The following ST6GALNAC3 variants were observed in gnomAD, a reference collection of about 807,000 sequenced individuals.
ST6GALNAC3 encodes the protein alpha-N-acetylgalactosaminide alpha-2,6-sialyltransferase 3.
Under a neutral mutation model 32.7 loss-of-function variants are expected in ST6GALNAC3, and 25 were observed. The observed-to-expected ratio is 0.76, with a 90% CI of 0.56 to 1.07. The LOEUF is 1.07. ST6GALNAC3 is among the 50% of genes least tolerant of loss of function. The pLI, the probability that ST6GALNAC3 is intolerant of heterozygous loss-of-function variation, is 0.00. For missense variants in ST6GALNAC3, 355 were observed against 382.4 expected, an observed-to-expected ratio of 0.93 and a Z score of 0.60; for synonymous variants, 129 against 133.1, an observed-to-expected ratio of 0.97 and a Z score of 0.21.
At chr1:76,289,519 G>T (rs1659958280) in intron 1 of ST6GALNAC3, among the ~76,000 whole-genome samples, 1 of 152,198 alleles carries the variant, frequency 6.6e-6, no homozygotes, top group African/African-American at 2.4e-5. Flanking sequence ...CCTCAAGGGG[G>T]CAAAAAGTTT....
At chr1:76,280,429 G>A (rs1449845088) in intron 1 of ST6GALNAC3, among the ~76,000 whole-genome samples, 1 of 152,076 alleles carries the variant, frequency 6.6e-6, no homozygotes, top group African/African-American at 2.4e-5. Flanking sequence ...TTCTTGCATA[G>A]TACTTTCAGC....
At chr1:76,426,754 C>T (rs1185193662) in intron 3 of ST6GALNAC3, among the ~76,000 whole-genome samples, 1 of 151,860 alleles carries the variant, frequency 6.6e-6, no homozygotes, top group African/African-American at 2.4e-5. Flanking sequence ...TTTACCTAAA[C>T]CAGCATCACC....
At chr1:76,576,152 C>A (rs1646803314) in intron 3 of ST6GALNAC3, among the ~76,000 whole-genome samples, 1 of 152,010 alleles carries the variant, frequency 6.6e-6, no homozygotes, top group Admixed American at 6.6e-5. Flanking sequence ...GAAAATTTCT[C>A]TGTTCCTCCC....
Position 76,604,327 on chromosome 1 carries a change from G to A in ST6GALNAC3, c.624-23125G>A, listed in dbSNP as rs141172568. ...ATACTATACCCCCTCTTAGAAATTCGTAAGTAAGCACCTAATATGGCTGCT... is the reference window on the plus strand; with the variant it reads ...ATACTATACCCCCTCTTAGAAATTCATAAGTAAGCACCTAATATGGCTGCT... On this transcript the variant is annotated intron_variant, in intron 3 of 4. Coordinates refer to ENST00000328299, the MANE Select transcript of ST6GALNAC3 (RefSeq NM_152996.4). Among the ~76,000 whole-genome samples, 1,036 of 152,242 alleles carry A rather than the reference G, an allele frequency of 6.8e-3. 14 individuals are homozygous for A. Among genetic ancestry groups the A allele is most frequent in the African/African-American group, 0.024 (984 of 41,542 alleles).
chr1:76,142,521 T>C (rs1363581527), intron 1 of ST6GALNAC3, among the ~76,000 whole-genome samples: 2 of 152,176 alleles, frequency 1.3e-5, no homozygotes, highest in Non-Finnish European at 2.9e-5. Context: ...TGTGAAGTTA[T>C]GCAGGACACT....
chr1:76,611,501 T>C (rs1208547511), intron 3 of ST6GALNAC3, among the ~76,000 whole-genome samples: 3 of 152,112 alleles, frequency 2.0e-5, no homozygotes, highest in African/African-American at 4.8e-5. Context: ...AGGAAAATAG[T>C]GGTGATCAAC....
At chr1:76,464,140 A>G (rs1317965850) in intron 3 of ST6GALNAC3, among the ~76,000 whole-genome samples, 1 of 152,140 alleles carries the variant, frequency 6.6e-6, no homozygotes, top group Admixed American at 6.6e-5. Flanking sequence ...ACACTGACTT[A>G]GTACCTCACT....
At chr1:76,310,987 C>T (rs911209694) in intron 1 of ST6GALNAC3, among the ~76,000 whole-genome samples, 2 of 152,130 alleles carry the variant, frequency 1.3e-5, no homozygotes, top group African/African-American at 4.8e-5. Context: ...ATAATATTGC[C>T]GTCACATGGA....
At chr1:76,450,809 G>T (rs1657339838) in intron 3 of ST6GALNAC3, among the ~76,000 whole-genome samples, 1 of 152,074 alleles carries the variant, frequency 6.6e-6, no homozygotes, top group Admixed American at 6.5e-5. Context: ...TGAATAGGGG[G>T]TCCTTTTCCC....
chr1:76,559,426 A>G (rs1299965452), intron 3 of ST6GALNAC3, among the ~76,000 whole-genome samples: 2 of 152,238 alleles, frequency 1.3e-5, no homozygotes, highest in Non-Finnish European at 2.9e-5. Flanking sequence ...GCAGGAAAAC[A>G]GAAGAGTAAA....
chr1:76,519,432 A>G (rs1662375909), intron 3 of ST6GALNAC3, among the ~76,000 whole-genome samples: 1 of 152,142 alleles, frequency 6.6e-6, no homozygotes, highest in Non-Finnish European at 1.5e-5. Flanking sequence ...TATTCACTGC[A>G]CTGTCCAAAA....
At chr1:76,434,238 C>CTGTTTTTACATGCTTGTAAAGT (rs1174292211) in intron 3 of ST6GALNAC3, among the ~76,000 whole-genome samples, 1 of 152,102 alleles carries the variant, frequency 6.6e-6, no homozygotes. Flanking sequence ...GAGAGGAGGC[C>CTGTTTTTACATGCTTGTAAAGT]TGTTTTTACA....
At chr1:76,531,691 C>A (rs769585799) in intron 3 of ST6GALNAC3, among the ~76,000 whole-genome samples, 8 of 152,114 alleles carry the variant, frequency 5.3e-5, no homozygotes, top group Non-Finnish European at 1.2e-4. Context: ...ATGCCAAAGA[C>A]TGAAGTTCAT....
At chr1:76,357,138 T>TTTTTTC (rs1260021034) in intron 2 of ST6GALNAC3, among the ~76,000 whole-genome samples, 14 of 140,652 alleles carry the variant, frequency 1.0e-4, no homozygotes, top group Non-Finnish European at 1.7e-4. Flanking sequence ...TTCTTTTTTT[T>TTTTTTC]TTTTTTTCAT....
intron 3 of ST6GALNAC3, among the ~76,000 whole-genome samples, chr1:76,507,883 C>T (rs1258472267): frequency 3.3e-5 from 5 of 152,206 alleles, no homozygotes; most frequent in African/African-American, 1.2e-4. Flanking sequence ...TACCCTTATA[C>T]ATTCTCACCA....
At chr1:76,134,484 G>T (rs1458474706) in intron 1 of ST6GALNAC3, among the ~76,000 whole-genome samples, 1 of 152,228 alleles carries the variant, frequency 6.6e-6, no homozygotes, top group Non-Finnish European at 1.5e-5. Context: ...GCCATGCTGT[G>T]GAGGGGTGTC....
At chr1:76,417,542 T>C (rs1183163130) in intron 3 of ST6GALNAC3, among the ~76,000 whole-genome samples, 3 of 152,166 alleles carry the variant, frequency 2.0e-5, no homozygotes, top group African/African-American at 7.2e-5. Flanking sequence ...ATGAAGAATG[T>C]GATCATGTTC....
intron 1 of ST6GALNAC3, among the ~76,000 whole-genome samples, chr1:76,184,519 GCACACACACACACACACACACACACA>G (rs71071992): frequency 7.5e-6 from 1 of 134,102 alleles, no homozygotes; most frequent in Non-Finnish European, 1.6e-5. Flanking sequence ...CTCCTGGGCA[GCACACACACACACACACACACACACA>G]CACACACACA....
intron 3 of ST6GALNAC3, among the ~76,000 whole-genome samples, chr1:76,562,740 C>T (rs1035246497): frequency 1.3e-5 from 2 of 152,086 alleles, no homozygotes; most frequent in Non-Finnish European, 1.5e-5. Flanking sequence ...TGTTTGAAAA[C>T]GTTTGTTTAA....
Sources: gnomAD v4.1 joint callset for allele counts (sites outside exome capture counted in the v4.1 genomes callset) on GRCh38, gnomAD v4.1.1 for gene constraint, MANE v1.5 for transcripts, NCBI Gene and HGNC (gene_info 2026-07-23, HGNC 2026-07-21) for gene names.